HERC2: variants seen among roughly 807,000 people sequenced by gnomAD.
The protein encoded by HERC2 is E3 ubiquitin-protein ligase HERC2.
A neutral mutation model predicts 537.7 loss-of-function variants in HERC2; 102 were observed. The observed-to-expected ratio is 0.19, with a 90% CI of 0.16 to 0.22. The LOEUF is 0.22. Among genes scored for constraint, HERC2 ranks in the 10% least tolerant of loss-of-function variants. HERC2 has a pLI of 1.00. For missense variants in HERC2, 4,236 were observed against 6,198.2 expected (o/e 0.68, Z 10.63); for synonymous variants, 2,224 against 2,466.2 (o/e 0.90, Z 2.91).
intron 86 of HERC2, among the ~76,000 whole-genome samples, chr15:28,120,361 C>T (rs1195572284): frequency 6.6e-6 from 1 of 152,182 alleles, no homozygotes; most frequent in African/African-American, 2.4e-5. Context: ...TTGTAATCAA[C>T]ATCAGGGTAA....
At chr15:28,251,756 T>C (rs1002127996) in intron 20 of HERC2, among the ~76,000 whole-genome samples, 1 of 152,148 alleles carries the variant, frequency 6.6e-6, no homozygotes, top group Non-Finnish European at 1.5e-5. Flanking sequence ...GCCAAGATTA[T>C]GCAACCGCAC....
At chr15:28,140,647 G>A (rs1188226378) in intron 78 of HERC2, among the ~76,000 whole-genome samples, 3 of 151,676 alleles carry the variant, frequency 2.0e-5, no homozygotes, top group African/African-American at 4.8e-5. Context: ...TCAGCCTCCC[G>A]AGTAGCTGGG....
chr15:28,269,317 T>C lies in HERC2; in HGVS notation c.1377A>G (p.Ala459=). The change falls in exon 11 of 93, where the codon GCA becomes GCG. Residue 459 remains alanine, a synonymous_variant. Coordinates refer to ENST00000261609, the MANE Select transcript of HERC2 (RefSeq NM_004667.6). ...ANLGVTQIAC[A]EKRFLILSRN... Reference sequence around the variant, plus strand: ...GTGACAGAATCAGGAAACGCTTCTCTGCACAGGCAATCTGTGTGACTCCCA... The same window carrying C: ...GTGACAGAATCAGGAAACGCTTCTCCGCACAGGCAATCTGTGTGACTCCCA... 3 of 1,614,214 alleles carry C rather than the reference T, an allele frequency of 1.9e-6. No individual in the cohort carries two copies. The highest frequency in any genetic ancestry group is 2.5e-6 in the Non-Finnish European group (3 of 1,180,034).
At chr15:28,247,959 G>A (rs1439023112) in intron 21 of HERC2, among the ~76,000 whole-genome samples, 1 of 152,250 alleles carries the variant, frequency 6.6e-6, no homozygotes. Flanking sequence ...TGGAGGGCCA[G>A]CCGCTGCCCT....
In HERC2 at chr15:28,233,706, C is replaced by T. The variant is rs1902123525; in HGVS notation, c.4309G>A (p.Gly1437Ser). The T allele has an allele frequency of 3.7e-6, 6 of 1,613,840 alleles. No individual in the cohort carries two copies. The highest frequency in any genetic ancestry group is 5.1e-6 in the Non-Finnish European group (6 of 1,179,792). ...FPPEHPVEEV[G>S]RLLLCCLLKH... ...AAGAGGCAACATAACAACAAGCGAC[C>T]GACCTCTTCCACGGGATGCTCGGGG... The change falls in exon 28 of 93, where the codon GGT becomes AGT. Residue 1437 changes from glycine (G) to serine (S), a missense_variant. Physicochemically the swap from Gly to Ser is moderately conservative, Grantham distance 56 (BLOSUM62 0). This residue lies in a region of HERC2 where 94 missense variants were observed against 174.9 expected (regional missense o/e 0.54). Transcript: ENST00000261609.
At chr15:28,301,607 C>T (rs2076625254) in intron 2 of HERC2, among the ~76,000 whole-genome samples, 1 of 144,972 alleles carries the variant, frequency 6.9e-6, no homozygotes, top group Non-Finnish European at 1.5e-5. Context: ...CTGAAAACTG[C>T]GTATGCGACA....
At chr15:28,217,112 G>C (rs948522193) in intron 38 of HERC2, among the ~76,000 whole-genome samples, 1 of 151,860 alleles carries the variant, frequency 6.6e-6, no homozygotes, top group Non-Finnish European at 1.5e-5. Context: ...TTACACACTT[G>C]TGCTGCCACC....
intron 2 of HERC2, 100 bp from the exon 3 acceptor site, chr15:28,299,616 T>G (rs1346848377): frequency 1.5e-6 from 1 of 650,162 alleles, no homozygotes; most frequent in African/African-American, 1.8e-5. Context: ...CCTTATGTAT[T>G]CGATCATTTG....
intron 63 of HERC2, 112 bp from the exon 64 acceptor site, chr15:28,175,768 A>G: frequency 1.0e-6 from 1 of 1,001,674 alleles, no homozygotes; most frequent in African/African-American, 1.6e-5. Context: ...GACATCACAC[A>G]CAGCACCCAA....
At chr15:28,116,036 C>T (rs767355147) in intron 88 of HERC2, among the ~76,000 whole-genome samples, 2 of 152,132 alleles carry the variant, frequency 1.3e-5, no homozygotes, top group African/African-American at 4.8e-5. Flanking sequence ...TCTGAGTACC[C>T]GAGGCAGTCT....
rs2525947 is a variant in HERC2 at position 28,303,275 on chromosome 15, C to T, written c.73-3759G>A. On this transcript the variant is annotated intron_variant, in intron 2 of 92. Transcript: ENST00000261609. Reference sequence around the variant, plus strand: ...ATCAATGAGGCTATCCTTTCCCTCACGTATCCTCCGGGCACCTCTGTCAAA... The same window carrying T: ...ATCAATGAGGCTATCCTTTCCCTCATGTATCCTCCGGGCACCTCTGTCAAA... Among the ~76,000 whole-genome samples the T allele has an allele frequency of 1.2e-3, 183 of 152,220 alleles. 1 individual carries two copies. The highest frequency in any genetic ancestry group is 2.1e-3 in the Non-Finnish European group (142 of 68,028).
chr15:28,254,377 A>G lies in HERC2; in HGVS notation c.3013T>C (p.Cys1005Arg). The G allele has an allele frequency of 6.2e-7, 1 of 1,607,802 alleles. No homozygotes were observed. Among genetic ancestry groups the G allele is most frequent in the East Asian group, 2.2e-5 (1 of 44,784 alleles). ...TGICESSGKQCLPLVQLIQQL... is the reference protein window; with the variant it reads ...TGICESSGKQRLPLVQLIQQL... ...TGTATGAGCTGAACCAGAGGCAAAC[A>G]CTGTTTGCCAGAAGACTCACAGATC... Residue 1005 changes from cysteine (C) to arginine (R), a missense_variant, in exon 20 of 93, where the codon TGT becomes CGT. By Grantham distance (180) the Cys-to-Arg change is radical. This residue lies in a region of HERC2 where 754 missense variants were observed against 1,085.0 expected (regional missense o/e 0.69). Coordinates refer to ENST00000261609, the MANE Select transcript of HERC2 (RefSeq NM_004667.6).
chr15:28,246,237 A>G (rs1903698398), intron 22 of HERC2, among the ~76,000 whole-genome samples, 171 bp from the exon 23 acceptor site: 1 of 152,212 alleles, frequency 6.6e-6, no homozygotes, highest in African/African-American at 2.4e-5. Context: ...TAGCTATTAA[A>G]CAGAACCCTT....
intron 69 of HERC2, among the ~76,000 whole-genome samples, chr15:28,159,702 T>C (rs529636806): frequency 1.4e-4 from 21 of 152,356 alleles, no homozygotes; most frequent in African/African-American, 4.3e-4. Flanking sequence ...TCGGAGAAGT[T>C]TGATCGTCTG....
chr15:28,248,689 C>T lies in HERC2; in HGVS notation c.3098G>A (p.Arg1033Gln), dbSNP rs372997296. 45 of 1,613,864 alleles carry T rather than the reference C, an allele frequency of 2.8e-5. No individual in the cohort carries two copies. Among genetic ancestry groups the T allele is most frequent in the Admixed American group, 2.5e-4 (15 of 59,982 alleles). ...CTCAAAGTCCAGACATGATGAAATC[C>T]GACGGGCAACATCTTTCAATCTGGC... ...TVARLKDVAR[R>Q]ISSCLDFEQH... Residue 1033 changes from arginine to glutamine, a missense_variant, in exon 21 of 93, where the codon CGG (arginine) becomes CAG (glutamine). Arg to Gln is a conservative substitution (Grantham distance 43). Coordinates refer to ENST00000261609, the MANE Select transcript of HERC2 (RefSeq NM_004667.6).
Position 28,177,539 on chromosome 15 carries a change from A to G in HERC2, c.9164-30T>C. 1.9e-6 allele frequency: 3 copies of G among 1,608,026 alleles called. No individual in the cohort carries two copies. Among genetic ancestry groups the G allele is most frequent in the South Asian group, 1.1e-5 (1 of 90,920 alleles). On this transcript the variant is annotated intron_variant, in intron 59 of 92. Coordinates refer to ENST00000261609, the MANE Select transcript of HERC2 (RefSeq NM_004667.6). This position sits in a 1 kb window ranked among gnomAD's most constrained non-coding sequence, Gnocchi z 5.0. ...AACATTCACAGACACACGGATTGCC[A>G]AAGGGCAGGGAACAGAAAGCCCACA...
At position 28,142,404 on chromosome 15, in the gene HERC2, C is replaced by G. The variant is rs1891316043; in HGVS notation, c.11545-11G>C. 6.2e-7 allele frequency: 1 copy of G among 1,607,750 alleles called. No individual in the cohort carries two copies. ...AAGAGCTACCAGTACCTGCAGGCAC[C>G]AAAAATGACAAACTCAGGGAAACTC... On this transcript the variant is annotated splice_polypyrimidine_tract_variant and intron_variant, in intron 75 of 92. Transcript: ENST00000261609.
At position 28,265,047 on chromosome 15, in the gene HERC2, C is replaced by G. The variant is rs1024958099; in HGVS notation, c.1870+571G>C. 2.0e-5 allele frequency among the ~76,000 whole-genome samples: 3 copies of G among 152,154 alleles called. No homozygotes were observed. The highest frequency in any genetic ancestry group is 7.2e-5 in the African/African-American group (3 of 41,438). ...GAAAGCAAGCTGACAGGTACCCCTG[C>G]TGATTATAACGGAAAGACTCCACAA... On this transcript the variant is annotated intron_variant, in intron 14 of 92. Coordinates refer to ENST00000261609, the MANE Select transcript of HERC2 (RefSeq NM_004667.6). The surrounding 1 kb of genome is among the most constrained non-coding windows in gnomAD (Gnocchi z 4.0).
chr15:28,225,691 C>A (rs573464426), intron 35 of HERC2, among the ~76,000 whole-genome samples: 3 of 125,644 alleles, frequency 2.4e-5, no homozygotes, highest in East Asian at 2.2e-4. Context: ...AGCAAGACTC[C>A]GTCTCAAAAA....
Sources: gnomAD v4.1 joint callset for allele counts (sites outside exome capture counted in the v4.1 genomes callset) on GRCh38, gnomAD v4.1.1 for gene constraint, gnomAD v4.1.1 regional missense constraint, Gnocchi (gnomAD v3.1) non-coding constraint, MANE v1.5 for transcripts, NCBI Gene and HGNC (gene_info 2026-07-23, HGNC 2026-07-21) for gene names.